The following PHC3 variants were observed in gnomAD, a reference collection of about 807,000 sequenced individuals.
PHC3 encodes the protein polyhomeotic homolog 3.
In PHC3, 13 loss-of-function variants were observed where a neutral mutation model predicts 107.4. That is an observed-to-expected ratio of 0.12 (90% CI 0.08 to 0.19). The LOEUF (loss-of-function observed/expected upper bound fraction) is 0.19. PHC3 is among the 10% of genes least tolerant of loss of function. The pLI, the probability that PHC3 is intolerant of heterozygous loss-of-function variation, is 1.00. For missense variants in PHC3, 992 were observed against 1,210.9 expected, an observed-to-expected ratio of 0.82 and a Z score of 2.68; for synonymous variants, 456 against 427.4, an observed-to-expected ratio of 1.07 and a Z score of -0.83.
intron 9 of PHC3, among the ~76,000 whole-genome samples, chr3:170,118,458 C>A (rs1303101422): frequency 2.6e-5 from 4 of 152,208 alleles, no homozygotes; most frequent in African/African-American, 4.8e-5. Flanking sequence ...GTCACCCAGG[C>A]TGGAGTGCAG....
intron 4 of PHC3, among the ~76,000 whole-genome samples, chr3:170,166,038 A>C (rs1247838192): frequency 6.6e-6 from 1 of 151,240 alleles, no homozygotes; most frequent in Non-Finnish European, 1.5e-5. Flanking sequence ...CCACCAAATA[A>C]TAATTTTATT....
intron 4 of PHC3, among the ~76,000 whole-genome samples, chr3:170,154,687 T>C (rs1330985394): frequency 6.6e-6 from 1 of 152,174 alleles, no homozygotes; most frequent in African/African-American, 2.4e-5. Flanking sequence ...CTACTCTAAG[T>C]TGTGAGATCA....
rs1178224422 is a variant in PHC3 at position 170,097,777 on chromosome 3, T to C, written c.2834-393A>G. On this transcript the variant is annotated intron_variant, in intron 14 of 14. Transcript: ENST00000495893. This position sits in a 1 kb window ranked among gnomAD's most constrained non-coding sequence, Gnocchi z 4.1. Reference sequence around the variant, plus strand: ...CTCTGTATAATATATCCTTCACATATAGGTAAAGAGGAAACAAAAATATGT... The same window carrying C: ...CTCTGTATAATATATCCTTCACATACAGGTAAAGAGGAAACAAAAATATGT... Among the ~76,000 whole-genome samples the C allele has an allele frequency of 2.0e-5, 3 of 152,212 alleles. No individual in the cohort carries two copies. The highest frequency in any genetic ancestry group is 2.9e-5 in the Non-Finnish European group (2 of 68,044).
intron 2 of PHC3, among the ~76,000 whole-genome samples, chr3:170,176,617 CATTT>C (rs1730531967): frequency 6.6e-6 from 1 of 152,188 alleles, no homozygotes; most frequent in Admixed American, 6.5e-5. Context: ...TGATTTAAAA[CATTT>C]ATTTTCCCAT....
chr3:170,148,609 A>G (rs1460714736), intron 5 of PHC3: 1 of 152,750 alleles, frequency 6.5e-6, no homozygotes, highest in Admixed American at 6.5e-5. Flanking sequence ...GACTATCCGG[A>G]ACTCCAATAT....
At chr3:170,156,260 AT>A (rs892860977) in intron 4 of PHC3, among the ~76,000 whole-genome samples, 23 of 147,810 alleles carry the variant, frequency 1.6e-4, no homozygotes, top group Admixed American at 2.0e-4. Context: ...CCTATGCAGA[AT>A]TTTTTTTTTT....
In PHC3 at chr3:170,090,512, T is replaced by C. The variant is rs1488621269; in HGVS notation, c.*6718A>G. 3 of 152,212 alleles carry C rather than the reference T, an allele frequency of 2.0e-5. No homozygotes were observed. The highest frequency in any genetic ancestry group is 1.3e-4 in the Admixed American group (2 of 15,282). 9.4% of individuals were successfully genotyped at this position (152,212 alleles called of 1,614,324 possible). On this transcript the variant is annotated 3_prime_UTR_variant, in exon 15 of 15. Transcript: ENST00000495893. ...CCAATAAGGAGCATTTAGGAAAATG[T>C]CATCATTTGCTTGTTATGTATGAAT...
In PHC3 at chr3:170,105,514, A is replaced by G. The variant is rs556525331; in HGVS notation, c.2468+1318T>C. Among the ~76,000 whole-genome samples the G allele has an allele frequency of 3.9e-5, 6 of 152,248 alleles. No individual in the cohort carries two copies. In the South Asian group the frequency reaches 1.0e-3, roughly 26 times the overall value. On this transcript the variant is annotated intron_variant, in intron 12 of 14. Transcript: ENST00000495893. ...TAATTTTTTTCATGAGGTTAAGGTT[A>G]TTTATTTTTTATGGATGCATAATAG...
chr3:170,153,655 C>A (rs1327561400), intron 4 of PHC3, among the ~76,000 whole-genome samples: 1 of 150,274 alleles, frequency 6.7e-6, no homozygotes, highest in Admixed American at 6.7e-5. Flanking sequence ...CCCAGCTACT[C>A]GGGAGGCTGA....
intron 4 of PHC3, among the ~76,000 whole-genome samples, chr3:170,169,136 T>C (rs73181228): frequency 1.3e-5 from 2 of 152,294 alleles, no homozygotes; most frequent in Non-Finnish European, 2.9e-5. Flanking sequence ...AGGTACACAG[T>C]TCCCCCAGGT....
At chr3:170,147,085 G>A (rs1269617235) in intron 5 of PHC3, among the ~76,000 whole-genome samples, 1 of 150,950 alleles carries the variant, frequency 6.6e-6, no homozygotes, top group Non-Finnish European at 1.5e-5. Context: ...GGTCAGGCTG[G>A]TTTTGAACTC....
At chr3:170,175,706 C>T (rs954910095) in intron 2 of PHC3, among the ~76,000 whole-genome samples, 1 of 151,678 alleles carries the variant, frequency 6.6e-6, no homozygotes, top group Admixed American at 6.6e-5. Flanking sequence ...GGGCGGATTA[C>T]CAGCTCAAGA....
intron 6 of PHC3, among the ~76,000 whole-genome samples, chr3:170,143,460 G>A (rs868660428): frequency 6.6e-5 from 10 of 151,330 alleles, no homozygotes; most frequent in South Asian, 2.1e-4. Flanking sequence ...ATATATAGAG[G>A]TTTTATCAAA....
chr3:170,181,593 T>C, intron 1 of PHC3, 109 bp downstream of exon 1: 1 of 1,540,526 alleles, frequency 6.5e-7, no homozygotes, highest in Non-Finnish European at 8.9e-7. Context: ...CGAGTCTCTC[T>C]TTCCCCACAC....
intron 8 of PHC3, among the ~76,000 whole-genome samples, chr3:170,128,109 T>A (rs1350865976): frequency 6.6e-6 from 1 of 152,168 alleles, no homozygotes; most frequent in African/African-American, 2.4e-5. Flanking sequence ...TACAGTTAAA[T>A]TTTTGGCAAA....
chr3:170,161,113 T>C (rs564481072), intron 4 of PHC3, among the ~76,000 whole-genome samples: 1 of 152,360 alleles, frequency 6.6e-6, no homozygotes, highest in Admixed American at 6.5e-5. Context: ...GATGGGCACA[T>C]GTATTTTTAT....
chr3:170,169,888 T>C (rs1458455044), intron 4 of PHC3: 1 of 152,214 alleles, frequency 6.6e-6, no homozygotes, highest in Non-Finnish European at 1.5e-5. Context: ...TTAATTACCA[T>C]TGTATTAAAG....
chr3:170,158,789 T>C (rs1274089256), intron 4 of PHC3, among the ~76,000 whole-genome samples: 1 of 150,452 alleles, frequency 6.6e-6, no homozygotes, highest in African/African-American at 2.5e-5. Context: ...TAGTCAGGTG[T>C]GGTGGCACAC....
rs759073399 is a variant in PHC3 at position 170,136,631 on chromosome 3, C to T, written c.707G>A (p.Gly236Asp). 3 of 1,613,620 alleles carry T rather than the reference C, an allele frequency of 1.9e-6. No homozygotes were observed. Among genetic ancestry groups the T allele is most frequent in the Non-Finnish European group, 2.5e-6 (3 of 1,179,758 alleles). Residue 236 changes from glycine to aspartate, a missense_variant, in exon 7 of 15, where the codon GGT becomes GAT. Around this residue, in one of 6 missense-constraint regions of PHC3, gnomAD observed 543 missense variants for 590.8 expected, o/e 0.92. Coordinates refer to ENST00000495893, the MANE Select transcript of PHC3 (RefSeq NM_024947.4). ...ACCATTCTGTGAGCTAGATAATACA[C>T]CCAACTTCTGGCTGCGTAATGTTAA... Reference protein sequence around the residue: ...QNLTLRSQKLGVLSSSQNGPP... With the variant: ...QNLTLRSQKLDVLSSSQNGPP...
Sources: allele counts gnomAD v4.1 joint callset (sites outside exome capture counted in the v4.1 genomes callset), GRCh38; gene constraint gnomAD v4.1.1; regional missense constraint gnomAD v4.1.1; non-coding constraint Gnocchi (gnomAD v3.1); transcripts MANE v1.5; gene names NCBI Gene and HGNC (gene_info 2026-07-23, HGNC 2026-07-21).